The following ABITRAM variants were observed in gnomAD, a reference collection of about 807,000 sequenced individuals.
The protein encoded by ABITRAM is protein Abitram.
ABITRAM carries 19 observed loss-of-function variants against 22.9 expected under a neutral mutation model. The observed-to-expected ratio is 0.83, with a 90% CI of 0.58 to 1.22. The LOEUF (loss-of-function observed/expected upper bound fraction) is 1.22. Among genes scored for constraint, ABITRAM ranks in the 50% most tolerant of loss-of-function variants. The pLI, the probability that ABITRAM is intolerant of heterozygous loss-of-function variation, is 0.00. For missense variants in ABITRAM, 215 were observed against 220.2 expected (o/e 0.98, Z 0.15); for synonymous variants, 70 against 73.9 (o/e 0.95, Z 0.27).
intron 1 of ABITRAM, among the ~76,000 whole-genome samples, chr9:108,934,983 A>C (rs1023927815): frequency 1.2e-4 from 18 of 152,144 alleles, no homozygotes; most frequent in African/African-American, 4.3e-4. Context: ...TGGCGAGAAG[A>C]GGGTGGGTTA....
Position 108,936,440 on chromosome 9 carries a change from A to G in ABITRAM, c.261+3A>G. 6.2e-7 allele frequency: 1 copy of G among 1,612,772 alleles called. No homozygotes were observed. The highest frequency in any genetic ancestry group is 8.5e-7 in the Non-Finnish European group (1 of 1,179,452). ...AGGTCTCTGGGAAATTTAAGCGGGT[A>G]TGTTCCTGTAATTCTGTGATTATCT... On this transcript the variant is annotated splice_donor_region_variant and intron_variant, in intron 3 of 5. Transcript: ENST00000322940.
At chr9:108,934,641 AGCCACGC>A (rs1830142428) in intron 1 of ABITRAM, 76 bp downstream of exon 1, 1 of 1,391,194 alleles carries the variant, frequency 7.2e-7, no homozygotes, top group Admixed American at 2.3e-5. Flanking sequence ...ACAGATCATA[AGCCACGC>A]GCGCTCTCCC....
At chr9:108,937,173 CA>C (rs1261309934) in intron 3 of ABITRAM, among the ~76,000 whole-genome samples, 1 of 151,956 alleles carries the variant, frequency 6.6e-6, no homozygotes, top group Non-Finnish European at 1.5e-5. Context: ...CTCAAAAAAA[CA>C]AAAACAAAAA....
In ABITRAM at chr9:108,939,987, G is replaced by C. The variant is rs1246614384; in HGVS notation, c.*301G>C. The C allele has an allele frequency of 7.2e-6, 2 of 277,154 alleles. No homozygotes were observed. The highest frequency in any genetic ancestry group is 1.3e-5 in the Non-Finnish European group (2 of 148,650). The allele number at this position is 277,154 out of a possible 1,614,324, so 17.2% of individuals were successfully genotyped here. A position where few individuals can be genotyped will look rare whatever the true frequency, so the allele number is the denominator to read the frequency against. On this transcript the variant is annotated 3_prime_UTR_variant, in exon 6 of 6. Transcript: ENST00000322940. ...AAAACAAACAAAGCTCTTTGAAGAAGATTTAGAAAATACAGAAGAGTTTTA... is the reference window on the plus strand; with the variant it reads ...AAAACAAACAAAGCTCTTTGAAGAACATTTAGAAAATACAGAAGAGTTTTA...
chr9:108,948,052 A>T, intron 3 of ABITRAM: 1 of 1,018,988 alleles, frequency 9.8e-7, no homozygotes, highest in Non-Finnish European at 1.4e-6. Context: ...CTACTTTTCT[A>T]CTGCTCTCTG....
At chr9:108,938,605 C>T (rs1014287220) in intron 3 of ABITRAM, among the ~76,000 whole-genome samples, 1 of 149,832 alleles carries the variant, frequency 6.7e-6, no homozygotes, top group African/African-American at 2.5e-5. Flanking sequence ...TTTTGTTTTC[C>T]ACATTTTCCT....
In ABITRAM at chr9:108,939,910, G is replaced by A. The variant is rs551799944; in HGVS notation, c.*224G>A. The A allele has an allele frequency of 1.4e-5, 6 of 432,416 alleles. No individual in the cohort carries two copies. In the East Asian group the frequency reaches 2.1e-4, roughly 15 times the overall value. 26.8% of individuals were successfully genotyped at this position (432,416 alleles called of 1,614,324 possible). A position where few individuals can be genotyped will look rare whatever the true frequency, so the allele number is the denominator to read the frequency against. On this transcript the variant is annotated 3_prime_UTR_variant, in exon 6 of 6. Transcript: ENST00000322940. Reference sequence around the variant, plus strand: ...TCTGGCCTGCCCATGTACTCACACTGTTCTCTTGCATCTCTCTAACAACTG... The same window carrying A: ...TCTGGCCTGCCCATGTACTCACACTATTCTCTTGCATCTCTCTAACAACTG...
At chr9:108,944,126 A>G, downstream of ABITRAM, 4 of 1,108,912 alleles carry the variant, frequency 3.6e-6, no homozygotes, top group Non-Finnish European at 5.1e-6. Flanking sequence ...TAAAGCCTAG[A>G]TATAAAAAGT....
downstream of ABITRAM, among the ~76,000 whole-genome samples, chr9:108,945,637 T>G (rs75101954): frequency 3.4e-5 from 5 of 148,362 alleles, no homozygotes; most frequent in East Asian, 2.0e-4. Context: ...AGTTTTTTTT[T>G]TTTTTGTTTT....
intron 2 of ABITRAM, chr9:108,936,073 AC>A: frequency 1.9e-6 from 1 of 534,074 alleles, no homozygotes. Context: ...AGTGCTACCT[AC>A]CTAAAGACCT....
At chr9:108,941,197 C>CTT (rs1485620441), downstream of ABITRAM, among the ~76,000 whole-genome samples, 1 of 152,074 alleles carries the variant, frequency 6.6e-6, no homozygotes, top group Non-Finnish European at 1.5e-5. Flanking sequence ...ATAGGAAAAA[C>CTT]TTGTAATCTG....
downstream of ABITRAM, among the ~76,000 whole-genome samples, chr9:108,941,311 A>G (rs1830252310): frequency 6.6e-6 from 1 of 152,140 alleles, no homozygotes; most frequent in African/African-American, 2.4e-5. Flanking sequence ...AATATAAACA[A>G]ACCAGCAGAT....
chr9:108,943,862 AT>A, downstream of ABITRAM: 1 of 1,605,252 alleles, frequency 6.2e-7, no homozygotes, highest in African/African-American at 1.3e-5. Flanking sequence ...ACAAAACTCC[AT>A]CTTTAATACC....
chr9:108,943,167 T>G (rs1348343618), downstream of ABITRAM: 4 of 923,672 alleles, frequency 4.3e-6, no homozygotes, highest in Non-Finnish European at 6.4e-6. Context: ...TTGAAAGAGA[T>G]ATGGATTTAG....
downstream of ABITRAM, among the ~76,000 whole-genome samples, chr9:108,942,176 A>G (rs1312534358): frequency 6.6e-5 from 10 of 152,204 alleles, no homozygotes; most frequent in Admixed American, 6.5e-4. Flanking sequence ...GTGGAGTTCC[A>G]TTACCTTACT....
intron 2 of ABITRAM, 82 bp from the exon 3 acceptor site, chr9:108,936,226 C>T: frequency 1.4e-6 from 2 of 1,478,600 alleles, no homozygotes; most frequent in Non-Finnish European, 9.2e-7. Context: ...AATACCAGTT[C>T]ATACATTCTT....
rs200789185 is a variant in ABITRAM, at chr9:108,934,464, G to C, written c.-23G>C. ...GAAGCGCTGGGGTCCCGGAGGGCGG[G>C]GGTGGCGGCGCCGGAGGTCGCCATG... is the stretch of plus-strand genomic sequence containing the variant. On this transcript the variant is annotated 5_prime_UTR_variant, in exon 1 of 6. Coordinates refer to ENST00000322940, the MANE Select transcript of ABITRAM (RefSeq NM_017832.4). 3 of 1,586,176 alleles carry C rather than the reference G, an allele frequency of 1.9e-6. No homozygotes were observed. Among genetic ancestry groups the C allele is most frequent in the Admixed American group, 1.8e-5 (1 of 57,018 alleles).
At chr9:108,936,792 A>T (rs568355365) in intron 3 of ABITRAM, among the ~76,000 whole-genome samples, 24 of 152,158 alleles carry the variant, frequency 1.6e-4, no homozygotes, top group African/African-American at 5.5e-4. Flanking sequence ...AATTTAGGTG[A>T]CTAACTCTTC....
chr9:108,949,598 C>G (rs561563866), intron 3 of ABITRAM, among the ~76,000 whole-genome samples: 1 of 152,204 alleles, frequency 6.6e-6, no homozygotes, highest in Non-Finnish European at 1.5e-5. Flanking sequence ...AATCCCAGCA[C>G]TTTGGGAGGC....
Sources: gnomAD v4.1 joint callset for allele counts (sites outside exome capture counted in the v4.1 genomes callset) on GRCh38, gnomAD v4.1.1 for gene constraint, MANE v1.5 for transcripts, NCBI Gene and HGNC (gene_info 2026-07-23, HGNC 2026-07-21) for gene names.